Variants in NDNF observed in about 807,000 individuals in gnomAD.
The protein encoded by NDNF is neuron derived neurotrophic factor, also known as protein NDNF.
A neutral mutation model predicts 42.0 loss-of-function variants in NDNF; 16 were observed. The observed-to-expected ratio is 0.38, with a 90% CI of 0.26 to 0.58. NDNF has a LOEUF of 0.58. Ranked by LOEUF, NDNF falls within the 20% of genes least tolerant of loss-of-function variation. The pLI, the probability that NDNF is intolerant of heterozygous loss-of-function variation, is 0.67. For synonymous variants in NDNF, 248 were observed against 251.7 expected (o/e 0.99, Z 0.14); for missense variants, 616 against 666.2 (o/e 0.92, Z 0.83).
chr4:121,066,714 T>C (rs1270203482), intron 1 of NDNF, among the ~76,000 whole-genome samples: 1 of 152,226 alleles, frequency 6.6e-6, no homozygotes, highest in Non-Finnish European at 1.5e-5. Flanking sequence ...TTTTAGAAAA[T>C]GTTAAATTTC....
chr4:121,061,663 A>T (rs1271694383), intron 1 of NDNF, among the ~76,000 whole-genome samples: 1 of 151,750 alleles, frequency 6.6e-6, no homozygotes, highest in East Asian at 1.9e-4. Flanking sequence ...TTACTCCCCC[A>T]CCATCCCCCC....
At chr4:121,063,729 C>T (rs1302313258) in intron 1 of NDNF, among the ~76,000 whole-genome samples, 1 of 152,072 alleles carries the variant, frequency 6.6e-6, no homozygotes, top group African/African-American at 2.4e-5. Context: ...ACATCAGAAC[C>T]TGCGCGTGTT....
At chr4:121,055,105 A>G (rs992471535) in intron 1 of NDNF, among the ~76,000 whole-genome samples, 9 of 152,048 alleles carry the variant, frequency 5.9e-5, no homozygotes, top group Admixed American at 5.9e-4. Flanking sequence ...AAGTGCTGGG[A>G]TTACAGGCAT....
intron 1 of NDNF, among the ~76,000 whole-genome samples, chr4:121,052,715 A>G (rs1424575324): frequency 6.6e-6 from 1 of 152,208 alleles, no homozygotes; most frequent in African/African-American, 2.4e-5. Context: ...AATGTCCAAC[A>G]TGTGCCAGCG....
chr4:121,057,341 G>A (rs574786997), intron 1 of NDNF, among the ~76,000 whole-genome samples: 1 of 152,292 alleles, frequency 6.6e-6, no homozygotes, highest in East Asian at 1.9e-4. Context: ...ACTTTTAACA[G>A]ATGAGAACAC....
chr4:121,041,392 C>T (rs1726995059), intron 2 of NDNF, among the ~76,000 whole-genome samples: 1 of 152,164 alleles, frequency 6.6e-6, no homozygotes, highest in Non-Finnish European at 1.5e-5. Flanking sequence ...ATAACCCTGA[C>T]CAACACTGAC....
intron 1 of NDNF, among the ~76,000 whole-genome samples, chr4:121,065,796 G>A (rs1473869309): frequency 2.6e-5 from 4 of 151,590 alleles, no homozygotes; most frequent in Non-Finnish European, 5.9e-5. Context: ...CTTCTAAAAT[G>A]TTGTCTTAAG....
intron 2 of NDNF, among the ~76,000 whole-genome samples, chr4:121,043,477 T>C (rs950154436): frequency 2.6e-5 from 4 of 152,118 alleles, no homozygotes; most frequent in Non-Finnish European, 5.9e-5. Context: ...TTTTTTCCTA[T>C]TGTGGATACC....
At position 121,039,904 on chromosome 4, in the gene NDNF, A is replaced by G. The variant is rs1726966568; in HGVS notation, c.313+26T>C. Reference sequence around the variant, plus strand: ...ATTAAAACCATCCATTCAAAGGTCCAGGGGCAGATCTATCCTGCTGCTTAC... The same window carrying G: ...ATTAAAACCATCCATTCAAAGGTCCGGGGGCAGATCTATCCTGCTGCTTAC... On this transcript the variant is annotated intron_variant, in intron 3 of 3. Transcript: ENST00000379692. The G allele has an allele frequency of 1.9e-6, 3 of 1,604,378 alleles. No individual in the cohort carries two copies. The East Asian group carries it at 6.7e-5, about 36-fold the overall frequency.
At chr4:121,066,350 A>C (rs749090706) in intron 1 of NDNF, among the ~76,000 whole-genome samples, 1 of 152,168 alleles carries the variant, frequency 6.6e-6, no homozygotes, top group Non-Finnish European at 1.5e-5. Flanking sequence ...CTTCAATTAC[A>C]GGATCCAGCA....
intron 1 of NDNF, among the ~76,000 whole-genome samples, chr4:121,060,465 G>C (rs1727385081): frequency 6.6e-6 from 1 of 151,880 alleles, no homozygotes; most frequent in Non-Finnish European, 1.5e-5. Flanking sequence ...ACAGGTGTGA[G>C]CCACCGTGCC....
intron 1 of NDNF, chr4:121,071,461 C>T (rs564787068): frequency 3.3e-5 from 5 of 152,038 alleles, no homozygotes; most frequent in Non-Finnish European, 7.3e-5. Flanking sequence ...GGACCTCTAG[C>T]TTTTCGCCCT....
Position 121,064,474 on chromosome 4 carries a change from A to T in NDNF, c.-2+7519T>A, listed in dbSNP as rs2175398. Among the ~76,000 whole-genome samples, 4 of 152,042 alleles carry T rather than the reference A, an allele frequency of 2.6e-5. No individual in the cohort carries two copies. The East Asian group carries it at 7.7e-4, about 29-fold the overall frequency. ...CAAAATATAACACAATATACATAAA[A>T]AATGTTGGATGGAACTTTTTAAACT... On this transcript the variant is annotated intron_variant, in intron 1 of 3. Coordinates refer to ENST00000379692, the MANE Select transcript of NDNF (RefSeq NM_024574.4).
At chr4:121,057,184 A>C (rs1727311023) in intron 1 of NDNF, among the ~76,000 whole-genome samples, 10 of 152,224 alleles carry the variant, frequency 6.6e-5, no homozygotes, top group Admixed American at 6.5e-4. Flanking sequence ...GGGACTAGAG[A>C]GGACCTGTAG....
intron 1 of NDNF, among the ~76,000 whole-genome samples, chr4:121,064,961 G>A (rs1293239151): frequency 5.3e-5 from 8 of 152,178 alleles, no homozygotes; most frequent in Admixed American, 1.3e-4. Flanking sequence ...GTCTCAGTAT[G>A]TTGCCCAGGC....
intron 1 of NDNF, chr4:121,071,328 A>G (rs1639498346): frequency 6.6e-6 from 1 of 152,200 alleles, no homozygotes; most frequent in African/African-American, 2.4e-5. Flanking sequence ...AGTTTCTATA[A>G]CGATGCTCGC....
At chr4:121,052,514 T>C (rs1403375532) in intron 1 of NDNF, among the ~76,000 whole-genome samples, 2 of 152,256 alleles carry the variant, frequency 1.3e-5, no homozygotes, top group Non-Finnish European at 2.9e-5. Context: ...ATATTTAGTC[T>C]TTTAAATTTC....
intron 2 of NDNF, among the ~76,000 whole-genome samples, chr4:121,043,482 G>A (rs979102724): frequency 2.0e-5 from 3 of 151,824 alleles, no homozygotes; most frequent in African/African-American, 7.3e-5. Context: ...TCCTATTGTG[G>A]ATACCAAGGG....
rs776728763 is a variant in NDNF at position 121,036,972 on chromosome 4, C to T, written c.999G>A (p.Arg333=). 14 of 1,613,824 alleles carry T rather than the reference C, an allele frequency of 8.7e-6. No individual in the cohort carries two copies. The Admixed American group carries it at 1.0e-4, about 12-fold the overall frequency. Reference sequence around the variant, plus strand: ...TCTTCTGTTTGGCTTCTTCCTTGGTCCTGGCAAAGGTACCTACATAAGCGG... The same window carrying T: ...TCTTCTGTTTGGCTTCTTCCTTGGTTCTGGCAAAGGTACCTACATAAGCGG... ...MSTAYVGTFA[R]TKEEAKQKTV... is the part of the protein sequence containing the mutation. Residue 333 remains arginine, a synonymous_variant, in exon 4 of 4, where the codon AGG becomes AGA. Transcript: ENST00000379692.
Sources: gnomAD v4.1 joint callset for allele counts (sites outside exome capture counted in the v4.1 genomes callset) on GRCh38, gnomAD v4.1.1 for gene constraint, MANE v1.5 for transcripts, NCBI Gene and HGNC (gene_info 2026-07-23, HGNC 2026-07-21) for gene names.